PCDHGB1: variants seen among roughly 807,000 people sequenced by gnomAD.
PCDHGB1 encodes the protein protocadherin gamma-B1.
In PCDHGB1, 34 loss-of-function variants were observed where a neutral mutation model predicts 56.6. The observed-to-expected ratio is 0.60, with a 90% CI of 0.46 to 0.80. PCDHGB1 has a LOEUF of 0.80. Among genes scored for constraint, PCDHGB1 ranks in the 30% least tolerant of loss-of-function variants. PCDHGB1 has a pLI of 0.00. For missense variants in PCDHGB1, 1,278 were observed against 1,204.6 expected, an observed-to-expected ratio of 1.06 and a Z score of -0.90; for synonymous variants, 561 against 505.9, an observed-to-expected ratio of 1.11 and a Z score of -1.46.
chr5:141,501,501 T>C (rs2099809553), intron 2 of PCDHGB1, among the ~76,000 whole-genome samples: 1 of 151,938 alleles, frequency 6.6e-6, no homozygotes, highest in Non-Finnish European at 1.5e-5. Context: ...CTGCTGGGGC[T>C]CCAAGGCCTC....
intron 1 of PCDHGB1, chr5:141,375,538 C>T: frequency 6.2e-7 from 1 of 1,614,018 alleles, no homozygotes; most frequent in Non-Finnish European, 8.5e-7. Context: ...ACCAGAACGC[C>T]CAAGTCTCCT....
chr5:141,382,789 T>C (rs1778438315), intron 1 of PCDHGB1: 4 of 924,532 alleles, frequency 4.3e-6, no homozygotes, highest in African/African-American at 3.3e-5. Context: ...CAAGCCTCTA[T>C]CCTGCTGGAT....
chr5:141,376,773 G>C (rs1773367206), intron 1 of PCDHGB1: 1 of 400,516 alleles, frequency 2.5e-6, no homozygotes, highest in South Asian at 3.1e-5. Context: ...TGCAAGCTCC[G>C]CTTCCCGGGT....
chr5:141,426,978 G>A (rs1383521288), intron 1 of PCDHGB1: 1 of 456,770 alleles, frequency 2.2e-6, no homozygotes, highest in Non-Finnish European at 4.4e-6. Flanking sequence ...TGAGGTCACT[G>A]ATGCCAACGA....
rs756658304 is a variant in PCDHGB1, at chr5:141,485,531, G to C, written c.2410-9276G>C. 6.8e-6 allele frequency: 11 copies of C among 1,614,218 alleles called. No homozygotes were observed. In the Admixed American group the frequency reaches 1.5e-4, roughly 22 times the overall value. On this transcript the variant is annotated intron_variant, in intron 1 of 3. Transcript: ENST00000523390. This position sits in a 1 kb window ranked among gnomAD's most constrained non-coding sequence, Gnocchi z 5.7. ...AGGTCCTTTGGAAATGTACCGAGCA[G>C]AGGTAGAGATCGTAGATGTGAATGA... is the stretch of plus-strand genomic sequence containing the variant.
intron 1 of PCDHGB1, among the ~76,000 whole-genome samples, chr5:141,458,275 G>A (rs975142859): frequency 2.6e-5 from 4 of 152,142 alleles, no homozygotes; most frequent in Non-Finnish European, 5.9e-5. Flanking sequence ...GAACAACAGG[G>A]TTCCTGGTCC....
At chr5:141,500,500 C>T (rs6872480) in intron 2 of PCDHGB1, among the ~76,000 whole-genome samples, 1,599 of 152,210 alleles carry the variant, frequency 0.011, 36 homozygotes, top group African/African-American at 0.036. Context: ...TGAGCCACCG[C>T]GCCTGGCCGA....
Position 141,351,248 on chromosome 5 carries a change from C to T in PCDHGB1, c.988C>T (p.Gln330Ter). 6.2e-7 allele frequency: 1 copy of T among 1,613,944 alleles called. No individual in the cohort carries two copies. The highest frequency in any genetic ancestry group is 8.5e-7 in the Non-Finnish European group (1 of 1,179,886). The stretch of plus-strand genomic sequence containing the variant: ...AGTACACACAGCTCACTGTAATGTT[C>T]AAATAGAAATTGTTGACGAGAATGA... Reference protein sequence around the residue: ...GGVHTAHCNVQIEIVDENDNA... With the variant: ...GGVHTAHCNV Residue 330 changes from glutamine to a stop codon, truncating the protein, a stop_gained, in exon 1 of 4, where the codon CAA becomes TAA. Transcript: ENST00000523390. LOFTEE classifies it high-confidence loss of function.
intron 2 of PCDHGB1, among the ~76,000 whole-genome samples, chr5:141,502,124 A>G (rs4912762): frequency 0.55 from 83,213 of 152,012 alleles, 23,486 homozygotes; most frequent in African/African-American, 0.67. Flanking sequence ...CCAGGCCCAC[A>G]GAGCTCAGTC....
intron 1 of PCDHGB1, chr5:141,388,397 A>G (rs375367492): frequency 2.9e-4 from 463 of 1,613,838 alleles, no homozygotes; most frequent in Non-Finnish European, 3.7e-4. Context: ...AGAATTACCA[A>G]CTCAGTCCCA....
chr5:141,420,920 A>G, intron 1 of PCDHGB1: 1 of 338,894 alleles, frequency 3.0e-6, no homozygotes, highest in Middle Eastern at 8.3e-4. Flanking sequence ...GTGATTCACA[A>G]AGGTGAGCGT....
chr5:141,362,444 T>C, intron 1 of PCDHGB1: 4 of 1,614,058 alleles, frequency 2.5e-6, no homozygotes, highest in Non-Finnish European at 3.4e-6. Flanking sequence ...TTTCTGAACA[T>C]AACCCCGGAA....
At chr5:141,366,325 C>G (rs1401034838) in intron 1 of PCDHGB1, 1 of 1,613,826 alleles carries the variant, frequency 6.2e-7, no homozygotes, top group East Asian at 2.2e-5. Flanking sequence ...TTGCCGTGGC[C>G]GACAGGATCC....
intron 1 of PCDHGB1, chr5:141,365,824 G>C (rs745398679): frequency 2.5e-6 from 4 of 1,613,926 alleles, no homozygotes; most frequent in Non-Finnish European, 3.4e-6. Context: ...CATTTCAGGG[G>C]GCGCCCTTGT....
chr5:141,403,527 C>G lies in PCDHGB1; in HGVS notation c.2409+50858C>G. The G allele has an allele frequency of 3.1e-6, 5 of 1,614,022 alleles. No homozygotes were observed. The South Asian group carries it at 5.5e-5, about 18-fold the overall frequency. The stretch of plus-strand genomic sequence containing the variant: ...ACTGGAGACAATGGAGCCATAAACC[C>G]AGAGCTGGTGCTGGAGCGCGCCCTG... On this transcript the variant is annotated intron_variant, in intron 1 of 3. Coordinates refer to ENST00000523390, the MANE Select transcript of PCDHGB1 (RefSeq NM_018922.3).
At chr5:141,409,484 G>A in intron 1 of PCDHGB1, 1 of 1,613,974 alleles carries the variant, frequency 6.2e-7, no homozygotes, top group Non-Finnish European at 8.5e-7. Flanking sequence ...CACTGACAGG[G>A]GCAAGCCGCC....
Position 141,404,160 on chromosome 5 carries a change from G to A in PCDHGB1, c.2409+51491G>A, listed in dbSNP as rs1308529085. On this transcript the variant is annotated intron_variant, in intron 1 of 3. Coordinates refer to ENST00000523390, the MANE Select transcript of PCDHGB1 (RefSeq NM_018922.3). The stretch of plus-strand genomic sequence containing the variant: ...GAAAATTCAGAAGAAGATTATTACA[G>A]ATTGTTGACGGCCCAAATTCTTGAC... The A allele has an allele frequency of 3.1e-6, 5 of 1,613,054 alleles. No homozygotes were observed. In the Admixed American group the frequency reaches 6.7e-5, roughly 22 times the overall value.
At chr5:141,364,902 A>T (rs781602444) in intron 1 of PCDHGB1, 8 of 1,614,032 alleles carry the variant, frequency 5.0e-6, no homozygotes, top group Non-Finnish European at 6.8e-6. Flanking sequence ...GGACAAAAGT[A>T]TCCGGAGCTG....
intron 1 of PCDHGB1, chr5:141,468,586 G>C (rs1232477889): frequency 1.3e-5 from 2 of 152,176 alleles, no homozygotes; most frequent in East Asian, 1.9e-4. Context: ...GGTACTAAAG[G>C]CTGGGCGCGG....
Sources: gnomAD v4.1 joint callset for allele counts (sites outside exome capture counted in the v4.1 genomes callset) on GRCh38, gnomAD v4.1.1 for gene constraint, Gnocchi (gnomAD v3.1) non-coding constraint, MANE v1.5 for transcripts, NCBI Gene and HGNC (gene_info 2026-07-23, HGNC 2026-07-21) for gene names.